Variants in PSG11 observed in about 807,000 individuals in gnomAD.
The protein encoded by PSG11 is pregnancy specific beta-1-glycoprotein 11, also known as pregnancy-specific beta-1-glycoprotein 11.
Under a neutral mutation model 36.0 loss-of-function variants are expected in PSG11, and 42 were observed. That is an observed-to-expected ratio of 1.17 (90% CI 0.91 to 1.51). The LOEUF (loss-of-function observed/expected upper bound fraction) is 1.51, where lower values mean the gene tolerates loss of function less well. Among genes scored for constraint, PSG11 ranks in the 40% most tolerant of loss-of-function variants. The pLI is 0.00. For missense variants in PSG11, 558 were observed against 403.5 expected (o/e 1.38, Z -3.28); for synonymous variants, 206 against 153.5 (o/e 1.34, Z -2.53).
intron 3 of PSG11, among the ~76,000 whole-genome samples, chr19:43,018,128 C>T (rs1368949745): frequency 6.6e-6 from 1 of 151,202 alleles, no homozygotes; most frequent in African/African-American, 2.4e-5. Context: ...GGACTATGAT[C>T]CTCTTGATTA....
rs1428324643 is a variant in PSG11 at position 43,025,064 on chromosome 19, G to T, written c.65-8C>A. The T allele has an allele frequency of 6.2e-7, 1 of 1,607,056 alleles. No homozygotes were observed. Among genetic ancestry groups the T allele is most frequent in the Non-Finnish European group, 8.5e-7 (1 of 1,176,510 alleles). On this transcript the variant is annotated splice_polypyrimidine_tract_variant and splice_region_variant and intron_variant, in intron 1 of 5. Transcript: ENST00000320078. ...AGAAGTTTAAAAGTAATGCTAGGAG[G>T]TGGAGAGAGCATCAGTCAATATTGA...
chr19:43,018,541 C>T (rs1018514265), intron 3 of PSG11: 57 of 1,030,684 alleles, frequency 5.5e-5, no homozygotes, highest in Non-Finnish European at 7.7e-5. Flanking sequence ...TTTCTCCCAT[C>T]ACAATCTGTG....
chr19:43,023,604 G>C (rs1472963848), intron 2 of PSG11, among the ~76,000 whole-genome samples: 1 of 151,248 alleles, frequency 6.6e-6, no homozygotes, highest in Non-Finnish European at 1.5e-5. Flanking sequence ...GGATGCCTAA[G>C]AAGAGAGGAT....
chr19:43,014,648 A>G lies in PSG11; in HGVS notation c.964+468T>C. On this transcript the variant is annotated intron_variant, in intron 4 of 5. Transcript: ENST00000320078. ...AGGAGCCCGGAGCAGAGCAGGAAGC[A>G]GAGTCTGAGCTGCTCCTCCCTCACC... is the stretch of plus-strand genomic sequence containing the variant. 5 of 1,105,082 alleles carry G rather than the reference A, an allele frequency of 4.5e-6. No homozygotes were observed. In the South Asian group the frequency reaches 1.2e-4, roughly 27 times the overall value. 68.5% of individuals were successfully genotyped at this position (1,105,082 alleles called of 1,614,324 possible). A position where few individuals can be genotyped will look rare whatever the true frequency, so the allele number is the denominator to read the frequency against.
chr19:43,010,334 T>C, intron 4 of PSG11: 7 of 1,516,184 alleles, frequency 4.6e-6, no homozygotes, highest in South Asian at 2.7e-5. Flanking sequence ...TTGGAACTTG[T>C]CACCTTTGCA....
rs753050341 is a variant in PSG11, at chr19:43,025,055, T to A, written c.66A>T (p.Ala22=). 3.7e-6 allele frequency: 6 copies of A among 1,608,380 alleles called. No homozygotes were observed. The African/African-American group carries it at 6.8e-5, about 18-fold the overall frequency. The change falls in exon 2 of 6, where the codon GCA becomes GCT. Residue 22 remains alanine, a splice_region_variant and synonymous_variant. Transcript: ENST00000320078. The part of the protein sequence containing the change: ...HIKWKGLLLT[A]LLLNFWNLPT... ...GCAAGTTCCAGAAGTTTAAAAGTAATGCTAGGAGGTGGAGAGAGCATCAGT... is the reference window on the plus strand; with the variant it reads ...GCAAGTTCCAGAAGTTTAAAAGTAAAGCTAGGAGGTGGAGAGAGCATCAGT...
chr19:43,010,090 C>A (rs1394297462), intron 4 of PSG11, 49 bp from the exon 5 acceptor site: 1 of 1,578,594 alleles, frequency 6.3e-7, no homozygotes, highest in African/African-American at 1.4e-5. Context: ...TGTTATTTTA[C>A]ATGGGGGAGC....
intron 3 of PSG11, chr19:43,017,677 G>T (rs1308303237): frequency 6.6e-6 from 1 of 151,248 alleles, no homozygotes; most frequent in Non-Finnish European, 1.5e-5. Flanking sequence ...GGGTTGCATT[G>T]AATCTGCAAC....
At chr19:43,022,938 G>A (rs559595011) in intron 2 of PSG11, among the ~76,000 whole-genome samples, 52 of 150,816 alleles carry the variant, frequency 3.4e-4, no homozygotes, top group Non-Finnish European at 6.2e-4. Context: ...GGTGGGGGAA[G>A]AAGCTGTGCA....
At chr19:43,012,036 A>T (rs1395924723) in intron 4 of PSG11, among the ~76,000 whole-genome samples, 3 of 151,464 alleles carry the variant, frequency 2.0e-5, no homozygotes. Flanking sequence ...TCCTAGAAAC[A>T]CACAAAAATA....
intron 4 of PSG11, chr19:43,014,322 C>G (rs1966901434): frequency 1.1e-6 from 1 of 895,764 alleles, no homozygotes; most frequent in African/African-American, 1.8e-5. Flanking sequence ...CCTTTCCTGC[C>G]ATGCAGAGCC....
Position 43,024,743 on chromosome 19 carries a change from C to G in PSG11, c.378G>C (p.Lys126Asn), listed in dbSNP as rs373994760. The G allele has an allele frequency of 5.0e-6, 8 of 1,611,706 alleles. No individual in the cohort carries two copies. Among genetic ancestry groups the G allele is most frequent in the Non-Finnish European group, 6.8e-6 (8 of 1,178,940 alleles). The stretch of plus-strand genomic sequence containing the variant: ...TTACTCCTCTAGTCCCATCACCTCG[C>G]TTTATGATGTGTAAGGTGTAGGATC... The part of the protein sequence containing the change: ...DAGSYTLHII[K>N]RGDGTRGVTG... The change falls in exon 2 of 6, where the codon AAG becomes AAC. Residue 126 changes from lysine (K) to asparagine (N), a missense_variant. Coordinates refer to ENST00000320078, the MANE Select transcript of PSG11 (RefSeq NM_002785.3).
At chr19:43,018,603 A>C (rs775600741) in intron 3 of PSG11, 167 bp downstream of exon 3, 1 of 1,485,006 alleles carries the variant, frequency 6.7e-7, no homozygotes, top group Non-Finnish European at 9.2e-7. Context: ...ACTGTGGATC[A>C]AGCCTAGGCC....
At chr19:43,016,679 T>G (rs1411152803) in intron 3 of PSG11, among the ~76,000 whole-genome samples, 1 of 151,390 alleles carries the variant, frequency 6.6e-6, no homozygotes, top group Non-Finnish European at 1.5e-5. Flanking sequence ...CTTGAACCAG[T>G]GACCTCTAAA....
At chr19:43,022,196 AT>A (rs1967117573) in intron 2 of PSG11, among the ~76,000 whole-genome samples, 1 of 151,536 alleles carries the variant, frequency 6.6e-6, no homozygotes, top group African/African-American at 2.4e-5. Flanking sequence ...CTGCAATGTC[AT>A]TTGGCAAGGG....
At chr19:43,010,307 T>C in intron 4 of PSG11, 1 of 1,500,420 alleles carries the variant, frequency 6.7e-7, no homozygotes, top group South Asian at 1.4e-5. Flanking sequence ...AAAGGCTGAT[T>C]GCTATTTTCT....
At position 43,024,741 on chromosome 19, in the gene PSG11, C is replaced by T. The variant is rs150813903; in HGVS notation, c.380G>A (p.Arg127Gln). Reference sequence around the variant, plus strand: ...AGTTACTCCTCTAGTCCCATCACCTCGCTTTATGATGTGTAAGGTGTAGGA... The same window carrying T: ...AGTTACTCCTCTAGTCCCATCACCTTGCTTTATGATGTGTAAGGTGTAGGA... ...AGSYTLHIIK[R>Q]GDGTRGVTGY... Residue 127 changes from arginine to glutamine, a missense_variant, in exon 2 of 6, where the codon CGA becomes CAA. Transcript: ENST00000320078. The T allele has an allele frequency of 1.1e-3, 1,750 of 1,611,642 alleles. 63 individuals are homozygous for T. The African/African-American group carries it at 0.021, about 19-fold the overall frequency.
At chr19:43,022,717 A>G (rs548321942) in intron 2 of PSG11, among the ~76,000 whole-genome samples, 1 of 151,304 alleles carries the variant, frequency 6.6e-6, no homozygotes, top group Admixed American at 6.6e-5. Flanking sequence ...CAGCCTCACA[A>G]AGGGGAAGAG....
chr19:43,025,127 C>G (rs188476820), intron 1 of PSG11, 71 bp from the exon 2 acceptor site: 1 of 1,541,470 alleles, frequency 6.5e-7, no homozygotes, highest in African/African-American at 1.4e-5. Flanking sequence ...GGCCCTGAGT[C>G]CTGAGAAGGT....
Sources: gnomAD v4.1 joint callset for allele counts (sites outside exome capture counted in the v4.1 genomes callset) on GRCh38, gnomAD v4.1.1 for gene constraint, MANE v1.5 for transcripts, NCBI Gene and HGNC (gene_info 2026-07-23, HGNC 2026-07-21) for gene names.